Variants in ESR1 observed in about 807,000 individuals in gnomAD.
The protein encoded by ESR1 is estrogen receptor 1.
In ESR1, 12 loss-of-function variants were observed where a neutral mutation model predicts 52.7. The observed-to-expected ratio is 0.23, with a 90% confidence interval of 0.15 to 0.37. The LOEUF (loss-of-function observed/expected upper bound fraction) is 0.37, where lower values mean the gene tolerates loss of function less well. Ranked by LOEUF, ESR1 falls within the 10% of genes least tolerant of loss-of-function variation. ESR1 has a pLI of 1.00. For synonymous variants in ESR1, 305 were observed against 316.8 expected (o/e 0.96, Z 0.39); for missense variants, 584 against 779.7 (o/e 0.75, Z 2.99).
intron 5 of ESR1, among the ~76,000 whole-genome samples, chr6:152,055,019 C>T (rs2046986971): frequency 6.6e-6 from 1 of 152,126 alleles, no homozygotes; most frequent in Admixed American, 6.5e-5. Flanking sequence ...GGATTTCCTT[C>T]TTGTTAAAGG....
At chr6:151,980,258 G>T (rs1584618025) in intron 4 of ESR1, among the ~76,000 whole-genome samples, 2 of 152,098 alleles carry the variant, frequency 1.3e-5, no homozygotes, top group East Asian at 3.9e-4. Flanking sequence ...CTCCCTGTTT[G>T]CATTCTCGGA....
At chr6:152,107,569 C>G (rs1543403), downstream of ESR1, among the ~76,000 whole-genome samples, 75,248 of 151,990 alleles carry the variant, frequency 0.5, 18,807 homozygotes, top group East Asian at 0.56. Context: ...ATAGCTACAT[C>G]AAGTCTTTGC....
chr6:152,099,812 G>A lies in ESR1; in HGVS notation c.*846G>A, dbSNP rs914830567. On this transcript the variant is annotated 3_prime_UTR_variant, in exon 8 of 8. Coordinates refer to ENST00000206249, the MANE Select transcript of ESR1 (RefSeq NM_000125.4). ...AAGAAAGCCCTCCCTCCCTGAACTTGCAGTAAGGTCAGCTTCAGGACCTGT... is the reference window on the plus strand; with the variant it reads ...AAGAAAGCCCTCCCTCCCTGAACTTACAGTAAGGTCAGCTTCAGGACCTGT... The A allele has an allele frequency of 3.5e-5, 14 of 394,540 alleles. No homozygotes were observed. Among genetic ancestry groups the A allele is most frequent in the Non-Finnish European group, 5.4e-5 (12 of 224,038 alleles). 24.4% of individuals were successfully genotyped at this position (394,540 alleles called of 1,614,324 possible). A position where few individuals can be genotyped will look rare whatever the true frequency, so the allele number is the denominator to read the frequency against.
At chr6:151,741,611 A>G (rs1783103029) in intron 2 of ESR1, among the ~76,000 whole-genome samples, 1 of 152,184 alleles carries the variant, frequency 6.6e-6, no homozygotes. Context: ...CTTACAAATA[A>G]CATTGTATAT....
chr6:152,062,248 G>A (rs3798568), intron 6 of ESR1, among the ~76,000 whole-genome samples: 16,955 of 152,004 alleles, frequency 0.11, 1,182 homozygotes, highest in East Asian at 0.33. Flanking sequence ...AGGAACCTGT[G>A]TTGCTTAATG....
Position 152,011,637 on chromosome 6 carries a change from T to G in ESR1, c.1097-19T>G. ...TCTTTTTCATTTGAGTCAGCAGGGT[T>G]TTTCTTGCTTGTTTTCAGGCTTTGT... On this transcript the variant is annotated intron_variant, in intron 4 of 7. Transcript: ENST00000206249. 1 of 1,612,968 alleles carries G rather than the reference T, an allele frequency of 6.2e-7. No homozygotes were observed. Among genetic ancestry groups the G allele is most frequent in the Non-Finnish European group, 8.5e-7 (1 of 1,179,316 alleles).
chr6:151,792,472 C>A (rs1212048420), intron 2 of ESR1, among the ~76,000 whole-genome samples: 1 of 151,068 alleles, frequency 6.6e-6, no homozygotes, highest in Non-Finnish European at 1.5e-5. Context: ...TAGGGTCTTG[C>A]TCTGTTGGCC....
intron 3 of ESR1, among the ~76,000 whole-genome samples, chr6:151,899,326 C>T (rs533223403): frequency 6.6e-4 from 81 of 123,134 alleles, no homozygotes; most frequent in African/African-American, 2.4e-3. Flanking sequence ...CCCTCCCGGA[C>T]GGGGCGGCTG....
At chr6:152,021,254 C>T (rs9340992) in intron 5 of ESR1, among the ~76,000 whole-genome samples, 166 of 152,254 alleles carry the variant, frequency 1.1e-3, no homozygotes, top group Middle Eastern at 0.01. Context: ...CAGCCTACAT[C>T]TTTCTACCAT....
At chr6:151,710,958 C>T (rs897681511) in intron 2 of ESR1, among the ~76,000 whole-genome samples, 4 of 152,124 alleles carry the variant, frequency 2.6e-5, no homozygotes, top group African/African-American at 9.7e-5. Flanking sequence ...CATTGATGGG[C>T]ATTTGGGTTG....
At chr6:151,678,382 C>T (rs1048097211) in intron 1 of ESR1, among the ~76,000 whole-genome samples, 3 of 151,266 alleles carry the variant, frequency 2.0e-5, no homozygotes, top group African/African-American at 7.3e-5. Context: ...CTGAGGCAGG[C>T]AAATCTCTTG....
intron 6 of ESR1, among the ~76,000 whole-genome samples, chr6:152,116,281 G>A (rs538146054): frequency 6.6e-5 from 10 of 152,292 alleles, no homozygotes; most frequent in African/African-American, 2.2e-4. Flanking sequence ...GCATATACAC[G>A]CAAGAGTGTC....
intron 3 of ESR1, among the ~76,000 whole-genome samples, chr6:151,925,001 G>A (rs2032424505): frequency 6.6e-6 from 1 of 152,044 alleles, no homozygotes; most frequent in South Asian, 2.1e-4. Flanking sequence ...GGGTTGAATG[G>A]TAATTCTCCT....
Position 151,808,300 on chromosome 6 carries a change from TA to T in ESR1, c.389del (p.Tyr130SerfsTer121). On this transcript the variant is annotated frameshift_variant, in exon 1 of 8. Coordinates refer to ENST00000206249, the MANE Select transcript of ESR1 (RefSeq NM_000125.4). LOFTEE classifies it high-confidence loss of function. ...FLQPHGQQVP[Y>X]YLENEPSGYT... ...GCAGCCCCACGGCCAGCAGGTGCCC[TA>T]CTACCTGGAGAACGAGCCCAGCGGC... 6.4e-7 allele frequency: 1 copy of T among 1,574,674 alleles called. No individual in the cohort carries two copies. Among genetic ancestry groups the T allele is most frequent in the Admixed American group, 1.8e-5 (1 of 56,138 alleles).
intron 6 of ESR1, among the ~76,000 whole-genome samples, chr6:152,115,371 C>T (rs79783156): frequency 0.035 from 5,324 of 152,298 alleles, 152 homozygotes; most frequent in Non-Finnish European, 0.056. Flanking sequence ...CAGGGGGCCT[C>T]TCTGTCTTGT....
chr6:151,735,359 G>A (rs577186106), intron 2 of ESR1, among the ~76,000 whole-genome samples: 2 of 152,322 alleles, frequency 1.3e-5, no homozygotes, highest in South Asian at 4.1e-4. Context: ...CCCACAGAGA[G>A]TTGGTAAAAA....
intron 2 of ESR1, among the ~76,000 whole-genome samples, chr6:151,774,718 A>G (rs1053514287): frequency 6.6e-6 from 1 of 152,244 alleles, no homozygotes; most frequent in Admixed American, 6.5e-5. Flanking sequence ...TAGGATTAAA[A>G]TGAAAGAAGC....
chr6:152,104,756 G>T (rs558987030), downstream of ESR1, among the ~76,000 whole-genome samples: 17 of 152,190 alleles, frequency 1.1e-4, no homozygotes, highest in African/African-American at 3.9e-4. Context: ...GGAATTTCCT[G>T]GGCAATAGAA....
At chr6:151,671,583 G>A (rs1411409759) in intron 1 of ESR1, among the ~76,000 whole-genome samples, 1 of 152,224 alleles carries the variant, frequency 6.6e-6, no homozygotes, top group Non-Finnish European at 1.5e-5. Flanking sequence ...GTTTTAGTTA[G>A]ATAGGAGGAG....
Sources: allele counts gnomAD v4.1 joint callset (sites outside exome capture counted in the v4.1 genomes callset), GRCh38; gene constraint gnomAD v4.1.1; transcripts MANE v1.5; gene names NCBI Gene and HGNC (gene_info 2026-07-23, HGNC 2026-07-21).